Variants in GRIN2B observed in about 807,000 individuals in gnomAD.
The protein encoded by GRIN2B is glutamate receptor ionotropic, NMDA 2B.
In GRIN2B, 5 loss-of-function variants were observed where a neutral mutation model predicts 114.5. That is an observed-to-expected ratio of 0.04 (90% confidence interval 0.02 to 0.09). GRIN2B has a LOEUF of 0.09. GRIN2B is among the 10% of genes least tolerant of loss of function. The pLI is 1.00. For missense variants in GRIN2B, 1,108 were observed against 1,943.5 expected (o/e 0.57, Z 8.08); for synonymous variants, 787 against 745.1 (o/e 1.06, Z -0.92).
chr12:13,972,140 G>C (rs922540948), intron 2 of GRIN2B, among the ~76,000 whole-genome samples: 3 of 152,114 alleles, frequency 2.0e-5, no homozygotes, highest in Admixed American at 2.0e-4. Context: ...AATGACCATC[G>C]CCTGAATCCC....
chr12:13,664,925 G>C (rs1949958901), intron 5 of GRIN2B, among the ~76,000 whole-genome samples: 2 of 152,122 alleles, frequency 1.3e-5, no homozygotes. Context: ...GATCAATGGG[G>C]CTGCAGGGAT....
intron 3 of GRIN2B, among the ~76,000 whole-genome samples, chr12:13,802,327 G>A (rs1213922166): frequency 6.6e-6 from 1 of 150,536 alleles, no homozygotes; most frequent in Non-Finnish European, 1.5e-5. Flanking sequence ...ATATTGCAAA[G>A]GCGGGGGAAG....
chr12:13,963,931 G>C (rs991999406), intron 2 of GRIN2B, among the ~76,000 whole-genome samples: 4 of 152,164 alleles, frequency 2.6e-5, no homozygotes, highest in Admixed American at 1.3e-4. Context: ...AAGGTAAAGA[G>C]AGAATCCACT....
At chr12:13,960,902 T>C (rs138874503) in intron 2 of GRIN2B, among the ~76,000 whole-genome samples, 1 of 152,234 alleles carries the variant, frequency 6.6e-6, no homozygotes, top group African/African-American at 2.4e-5. Flanking sequence ...ATTATGGACC[T>C]TTACATCAAA....
chr12:13,977,149 TTC>T (rs1863035429), intron 2 of GRIN2B, among the ~76,000 whole-genome samples: 1 of 152,218 alleles, frequency 6.6e-6, no homozygotes, highest in Admixed American at 6.5e-5. Flanking sequence ...TGAGGATTTT[TTC>T]TCTTTCCCCT....
intron 2 of GRIN2B, among the ~76,000 whole-genome samples, chr12:13,931,386 A>C (rs1867027986): frequency 6.6e-6 from 1 of 152,164 alleles, no homozygotes; most frequent in Admixed American, 6.5e-5. Context: ...TCTAGGTTCA[A>C]TAACACTTCA....
chr12:13,621,582 T>G (rs565103660), intron 5 of GRIN2B, among the ~76,000 whole-genome samples: 12 of 129,202 alleles, frequency 9.3e-5, no homozygotes, highest in African/African-American at 3.6e-4. Context: ...AATCATCTTT[T>G]TCAAGAGAAA....
chr12:13,551,395 G>A lies in GRIN2B; in HGVS notation c.*11388C>T, dbSNP rs1948411477. 1 of 152,128 alleles carries A rather than the reference G, an allele frequency of 6.6e-6. No individual in the cohort carries two copies. Among genetic ancestry groups the A allele is most frequent in the Non-Finnish European group, 1.5e-5 (1 of 68,032 alleles). The allele number at this position is 152,128 out of a possible 1,614,324, so 9.4% of individuals were successfully genotyped here. A position where few individuals can be genotyped will look rare whatever the true frequency, so the allele number is the denominator to read the frequency against. On this transcript the variant is annotated 3_prime_UTR_variant, in exon 14 of 14. Coordinates refer to ENST00000609686, the MANE Select transcript of GRIN2B (RefSeq NM_000834.5). ...CAGTCCATCAACAGGACCTTAGAAGGCCACATGGATTCCATAGGGTAAAAT... is the reference window on the plus strand; with the variant it reads ...CAGTCCATCAACAGGACCTTAGAAGACCACATGGATTCCATAGGGTAAAAT...
chr12:13,849,380 G>A (rs148812055), intron 3 of GRIN2B, among the ~76,000 whole-genome samples: 11 of 152,240 alleles, frequency 7.2e-5, no homozygotes, highest in Non-Finnish European at 1.5e-4. Context: ...TGAGCCATCA[G>A]TTCCCCTACT....
intron 3 of GRIN2B, among the ~76,000 whole-genome samples, chr12:13,796,276 AGACCC>A (rs572974381): frequency 6.1e-4 from 93 of 152,286 alleles, no homozygotes; most frequent in African/African-American, 2.2e-3. Context: ...GACCAATTGC[AGACCC>A]ACAAAGCTGA....
Position 13,547,981 on chromosome 12 carries a change from A to ATATATTTTT in GRIN2B, c.*14801_*14802insAAAAATATA. On this transcript the variant is annotated 3_prime_UTR_variant, in exon 14 of 14. Transcript: ENST00000609686. ...TGTGTATATATATATATATATATAT[A>ATATATTTTT]TTTTTTTTTTTTTTCTGAAAGCTAC... The ATATATTTTT allele has an allele frequency of 1.2e-3, 85 of 68,582 alleles. No homozygotes were observed. Among genetic ancestry groups the ATATATTTTT allele is most frequent in the African/African-American group, 3.9e-3 (85 of 21,770 alleles). The allele number at this position is 68,582 out of a possible 1,614,324, so 4.2% of individuals were successfully genotyped here. A position where few individuals can be genotyped will look rare whatever the true frequency, so the allele number is the denominator to read the frequency against.
chr12:13,567,103 G>A lies in GRIN2B; in HGVS notation c.2520C>T (p.His840=). 6.2e-7 allele frequency: 1 copy of A among 1,614,176 alleles called. No homozygotes were observed. ...ALSLITFICE[H]LFYWQFRHCF... ...AATGTCGGAACTGCCAATAGAAAAG[G>A]TGTTCGCAGATGAAGGTGATGAGGC... Residue 840 remains histidine (H), a synonymous_variant, in exon 13 of 14, where the codon CAC becomes CAT. Transcript: ENST00000609686.
At chr12:13,714,797 T>C (rs1315421401) in intron 4 of GRIN2B, among the ~76,000 whole-genome samples, 2 of 151,932 alleles carry the variant, frequency 1.3e-5, no homozygotes, top group Non-Finnish European at 2.9e-5. Flanking sequence ...CATGCACAGA[T>C]TGTGTAGTGG....
intron 8 of GRIN2B, among the ~76,000 whole-genome samples, chr12:13,614,765 G>C (rs1949413995): frequency 6.6e-6 from 1 of 152,216 alleles, no homozygotes; most frequent in Non-Finnish European, 1.5e-5. Context: ...CAGCCTGGTT[G>C]AAATGACTTC....
chr12:13,643,512 T>C (rs1565486821), intron 5 of GRIN2B, among the ~76,000 whole-genome samples: 1 of 152,116 alleles, frequency 6.6e-6, no homozygotes, highest in African/African-American at 2.4e-5. Context: ...TGCTGACTGA[T>C]CAGGGTAGTA....
chr12:13,661,446 G>A (rs960919835), intron 5 of GRIN2B, among the ~76,000 whole-genome samples: 5 of 152,194 alleles, frequency 3.3e-5, no homozygotes, highest in African/African-American at 9.6e-5. Context: ...TGCTCCGTGT[G>A]CTTGCATTTC....
rs1188775274 is a variant in GRIN2B, at chr12:13,550,910, GAGAA to G, written c.*11869_*11872del. ...AAGTATACCTCAAGATGAATAAATT[GAGAA>G]AGAGAAGTAAAGAATGCAAGAGATG... On this transcript the variant is annotated 3_prime_UTR_variant, in exon 14 of 14. Transcript: ENST00000609686. 2 of 152,116 alleles carry G rather than the reference GAGAA, an allele frequency of 1.3e-5. No homozygotes were observed. The highest frequency in any genetic ancestry group is 2.9e-5 in the Non-Finnish European group (2 of 68,012). The allele number at this position is 152,116 out of a possible 1,614,324, so 9.4% of individuals were successfully genotyped here.
intron 2 of GRIN2B, among the ~76,000 whole-genome samples, chr12:13,966,071 G>C (rs894399448): frequency 2.0e-5 from 3 of 152,144 alleles, no homozygotes; most frequent in Non-Finnish European, 4.4e-5. Flanking sequence ...TTGAATTCTA[G>C]GTTTTTCTTC....
chr12:13,658,148 G>A (rs558392344), intron 5 of GRIN2B, among the ~76,000 whole-genome samples: 8 of 151,692 alleles, frequency 5.3e-5, no homozygotes, highest in East Asian at 1.9e-4. Context: ...CTGAGGTTGC[G>A]GTGAGCCGAG....
Sources: allele counts gnomAD v4.1 joint callset (sites outside exome capture counted in the v4.1 genomes callset), GRCh38; gene constraint gnomAD v4.1.1; transcripts MANE v1.5; gene names NCBI Gene and HGNC (gene_info 2026-07-23, HGNC 2026-07-21).